The following CASC3 variants were observed in gnomAD, a reference collection of about 807,000 sequenced individuals.
The protein encoded by CASC3 is protein CASC3.
CASC3 carries 30 observed loss-of-function variants against 80.5 expected under a neutral mutation model. That is an observed-to-expected ratio of 0.37 (90% CI 0.28 to 0.51). CASC3 has a LOEUF of 0.51. Ranked by LOEUF, CASC3 falls within the 20% of genes least tolerant of loss-of-function variation. The pLI is 0.94. For missense variants in CASC3, 824 were observed against 922.2 expected (o/e 0.89, Z 1.38); for synonymous variants, 312 against 333.6 (o/e 0.94, Z 0.70).
chr17:40,161,589 G>A (rs1160543494), intron 3 of CASC3, among the ~76,000 whole-genome samples, 164 bp from the exon 4 acceptor site: 2 of 152,122 alleles, frequency 1.3e-5, no homozygotes, highest in Non-Finnish European at 2.9e-5. Flanking sequence ...TGAGGCAGGA[G>A]AATTGCTTGA....
rs1598429995 is a variant in CASC3 at position 40,164,082 on chromosome 17, G to C, written c.1387G>C (p.Glu463Gln). The change falls in exon 7 of 14, where the codon GAG becomes CAG. Residue 463 changes from glutamate (E) to glutamine (Q), a missense_variant. Around this residue, in one of 3 missense-constraint regions of CASC3, gnomAD observed 464 missense variants for 506.0 expected, o/e 0.92. Coordinates refer to ENST00000264645, the MANE Select transcript of CASC3 (RefSeq NM_007359.5). ...GGTGGATTCTAGTACAAGTGGACTT[G>C]AGCAAGATGTGGCACAACTAAATAT... is the stretch of plus-strand genomic sequence containing the variant. ...APVDSSTSGL[E>Q]QDVAQLNIAE... is the part of the protein sequence containing the mutation. 4.3e-6 allele frequency: 7 copies of C among 1,613,798 alleles called. No homozygotes were observed. Among genetic ancestry groups the C allele is most frequent in the Non-Finnish European group, 5.9e-6 (7 of 1,180,016 alleles).
chr17:40,155,917 C>G (rs1567680012), intron 3 of CASC3, among the ~76,000 whole-genome samples: 1 of 152,158 alleles, frequency 6.6e-6, no homozygotes, highest in Non-Finnish European at 1.5e-5. Context: ...TTGGAGCCTC[C>G]TCAGTACTAT....
In CASC3 at chr17:40,162,776, T is replaced by C. The variant is rs148913545; in HGVS notation, c.660T>C (p.His220=). 2.5e-4 allele frequency: 411 copies of C among 1,614,086 alleles called. 2 individuals carry two copies. In the African/African-American group the frequency reaches 4.9e-3, roughly 19 times the overall value. The stretch of plus-strand genomic sequence containing the variant: ...GGAAGGATGAGGGTCGCTGGGAGCA[T>C]GACAAGTTCCGGGAAGATGAGCAGG... ...KLWKDEGRWE[H]DKFREDEQAP... is the part of the protein sequence containing the mutation. The change falls in exon 6 of 14, where the codon CAT becomes CAC. Residue 220 remains histidine, a synonymous_variant. Coordinates refer to ENST00000264645, the MANE Select transcript of CASC3 (RefSeq NM_007359.5).
At chr17:40,165,971 G>T (rs1989441177) in intron 7 of CASC3, among the ~76,000 whole-genome samples, 1 of 151,478 alleles carries the variant, frequency 6.6e-6, no homozygotes, top group South Asian at 2.1e-4. Context: ...GTCTCACTGT[G>T]TTTTCCAGGC....
intron 3 of CASC3, among the ~76,000 whole-genome samples, chr17:40,145,221 G>T (rs1032922844): frequency 6.6e-6 from 1 of 150,864 alleles, no homozygotes; most frequent in African/African-American, 2.4e-5. Context: ...TGCCAGGCTG[G>T]AGTGCGGTGG....
In CASC3 at chr17:40,169,380, G is replaced by A; in HGVS notation, c.2022G>A (p.Val674=). Residue 674 remains valine (V), a synonymous_variant, in exon 12 of 14, where the codon GTG becomes GTA. Transcript: ENST00000264645. ...VTYYNPAQQQ[V]QPKPSPPRRT... ...ACTATAACCCCGCCCAGCAGCAGGT[G>A]CAGCCAAAGCCCTCCCCACCCCGGA... The A allele has an allele frequency of 6.2e-7, 1 of 1,612,948 alleles. No individual in the cohort carries two copies. The highest frequency in any genetic ancestry group is 8.5e-7 in the Non-Finnish European group (1 of 1,179,622).
Position 40,163,736 on chromosome 17 carries a change from T to C in CASC3, c.1041T>C (p.Ile347=). The C allele has an allele frequency of 6.2e-7, 1 of 1,614,024 alleles. No individual in the cohort carries two copies. The highest frequency in any genetic ancestry group is 8.5e-7 in the Non-Finnish European group (1 of 1,180,006). The change falls in exon 7 of 14, where the codon ATT becomes ATC. Residue 347 remains isoleucine (I), a synonymous_variant. Transcript: ENST00000264645. ...GRSGETVKHE[I]SYRSRRLEQT... The stretch of plus-strand genomic sequence containing the variant: ...CTGGTGAGACTGTTAAGCATGAGAT[T>C]AGTTACCGGTCACGGCGCCTAGAGC...
intron 3 of CASC3, among the ~76,000 whole-genome samples, chr17:40,153,988 C>T (rs887584919): frequency 1.3e-5 from 2 of 151,866 alleles, no homozygotes; most frequent in African/African-American, 4.8e-5. Flanking sequence ...GCATAAGAAT[C>T]ACTTGAACCC....
intron 3 of CASC3, among the ~76,000 whole-genome samples, chr17:40,152,459 T>C (rs1989035653): frequency 6.6e-6 from 1 of 151,830 alleles, no homozygotes; most frequent in Admixed American, 6.6e-5. Context: ...GTAGCTGAGA[T>C]TACAGTCATG....
chr17:40,148,093 C>T (rs1436926865), intron 3 of CASC3, among the ~76,000 whole-genome samples: 2 of 151,960 alleles, frequency 1.3e-5, no homozygotes, highest in African/African-American at 2.4e-5. Flanking sequence ...ATTAGTTTTC[C>T]TGGTCTTTTC....
intron 11 of CASC3, chr17:40,168,855 G>A: frequency 4.5e-6 from 1 of 221,282 alleles, no homozygotes; most frequent in Non-Finnish European, 9.1e-6. Context: ...CTCCGAAAGT[G>A]CTGGGATTAC....
At chr17:40,162,696 C>G in intron 5 of CASC3, 29 bp from the exon 6 acceptor site, 1 of 1,609,422 alleles carries the variant, frequency 6.2e-7, no homozygotes, top group Non-Finnish European at 8.5e-7. Flanking sequence ...TTCTGCTGAC[C>G]CAAGACACTT....
At position 40,171,124 on chromosome 17, in the gene CASC3, G is replaced by T. The variant is rs949217783; in HGVS notation, c.*719G>T. 1.8e-5 allele frequency: 18 copies of T among 985,824 alleles called. No homozygotes were observed. The highest frequency in any genetic ancestry group is 1.6e-4 in the African/African-American group (9 of 57,250). 61.1% of individuals were successfully genotyped at this position (985,824 alleles called of 1,614,324 possible). A position where few individuals can be genotyped will look rare whatever the true frequency, so the allele number is the denominator to read the frequency against. ...CCATTGTGCAGAAAAGCTCAGAGTA[G>T]GTGGGTAGGAGCCCTTCTCTTTGAC... On this transcript the variant is annotated 3_prime_UTR_variant, in exon 14 of 14. Transcript: ENST00000264645.
intron 3 of CASC3, among the ~76,000 whole-genome samples, chr17:40,149,733 C>T (rs1338371674): frequency 6.6e-6 from 1 of 151,836 alleles, no homozygotes; most frequent in Non-Finnish European, 1.5e-5. Context: ...AAGCTGGGTG[C>T]GGTGGCTCAC....
At position 40,140,557 on chromosome 17, in the gene CASC3, C is replaced by CCGG; in HGVS notation, c.17_19dup (p.Arg6dup). 1 of 1,607,646 alleles carries CCGG rather than the reference C, an allele frequency of 6.2e-7. No homozygotes were observed. Among genetic ancestry groups the CCGG allele is most frequent in the Non-Finnish European group, 8.5e-7 (1 of 1,179,648 alleles). ...TGGCCGTTCTCCGTAAGATGGCGGA[C>CCGG]CGGCGGCGGCAGCGCGCTTCGCAAG... On this transcript the variant is annotated inframe_insertion, in exon 1 of 14. Transcript: ENST00000264645.
intron 3 of CASC3, among the ~76,000 whole-genome samples, chr17:40,142,416 C>A (rs1011621017): frequency 6.6e-6 from 1 of 152,102 alleles, no homozygotes; most frequent in African/African-American, 2.4e-5. Flanking sequence ...CTTAGGCAGT[C>A]GGGAAAGATT....
intron 6 of CASC3, 100 bp from the exon 7 acceptor site, chr17:40,163,381 C>T (rs577088707): frequency 1.8e-5 from 17 of 947,592 alleles, no homozygotes; most frequent in African/African-American, 3.3e-5. Flanking sequence ...GTGATCTGCC[C>T]GTCTCGATCT....
chr17:40,162,652 C>T (rs1989331874), intron 5 of CASC3, 73 bp from the exon 6 acceptor site: 1 of 1,447,426 alleles, frequency 6.9e-7, no homozygotes, highest in Non-Finnish European at 9.6e-7. Flanking sequence ...GCCTCCCTGA[C>T]CCATTTTGTT....
chr17:40,169,519 C>T, intron 12 of CASC3, 73 bp downstream of exon 12: 1 of 1,572,720 alleles, frequency 6.4e-7, no homozygotes. Context: ...GAGGATTTCC[C>T]TCATTTTCTG....
Sources: allele counts gnomAD v4.1 joint callset (sites outside exome capture counted in the v4.1 genomes callset), GRCh38; gene constraint gnomAD v4.1.1; regional missense constraint gnomAD v4.1.1; transcripts MANE v1.5; gene names NCBI Gene and HGNC (gene_info 2026-07-23, HGNC 2026-07-21).